GABRB1: variants seen among roughly 807,000 people sequenced by gnomAD.
GABRB1 encodes the protein gamma-aminobutyric acid type A receptor subunit beta1, also known as gamma-aminobutyric acid receptor subunit beta-1.
A neutral mutation model predicts 51.6 loss-of-function variants in GABRB1; 17 were observed. The ratio of observed to expected loss-of-function variants is 0.33; its 90% confidence interval spans 0.23 to 0.49. GABRB1 has a LOEUF of 0.49. Among genes scored for constraint, GABRB1 ranks in the 20% least tolerant of loss-of-function variants. GABRB1 has a pLI of 0.99. For synonymous variants in GABRB1, 247 were observed against 218.9 expected (o/e 1.13, Z -1.14); for missense variants, 410 against 600.6 (o/e 0.68, Z 3.32).
intron 5 of GABRB1, among the ~76,000 whole-genome samples, chr4:47,385,672 A>G (rs939820847): frequency 6.6e-6 from 1 of 152,182 alleles, no homozygotes; most frequent in Non-Finnish European, 1.5e-5. Flanking sequence ...CTAACACTCA[A>G]GAGTTAGACT....
intron 3 of GABRB1, among the ~76,000 whole-genome samples, chr4:47,146,985 T>C (rs540385932): frequency 2.6e-4 from 39 of 152,184 alleles, no homozygotes; most frequent in African/African-American, 8.9e-4. Flanking sequence ...GGGCAGTTTC[T>C]TTTTCTGGGC....
intron 3 of GABRB1, among the ~76,000 whole-genome samples, chr4:47,075,189 A>ATT (rs930532587): frequency 4.0e-5 from 6 of 149,016 alleles, no homozygotes; most frequent in African/African-American, 1.2e-4. Context: ...GCATTGTGTG[A>ATT]TTTTTTTTTT....
intron 1 of GABRB1, among the ~76,000 whole-genome samples, chr4:47,019,098 C>T (rs1352913800): frequency 6.6e-6 from 1 of 152,120 alleles, no homozygotes; most frequent in Non-Finnish European, 1.5e-5. Context: ...AAACTCAAGA[C>T]CTCAAAATCC....
At chr4:47,219,458 T>C (rs1035015887) in intron 4 of GABRB1, among the ~76,000 whole-genome samples, 1 of 151,894 alleles carries the variant, frequency 6.6e-6, no homozygotes, top group Non-Finnish European at 1.5e-5. Context: ...TGTATTCTTC[T>C]AACCTGCTTC....
intron 4 of GABRB1, among the ~76,000 whole-genome samples, chr4:47,174,999 C>A (rs1718611153): frequency 1.5e-5 from 2 of 135,266 alleles, no homozygotes; most frequent in African/African-American, 5.6e-5. Flanking sequence ...TTCCTCCCTT[C>A]CTTCCTCTCT....
intron 4 of GABRB1, among the ~76,000 whole-genome samples, chr4:47,209,851 T>A (rs1477925731): frequency 2.0e-5 from 3 of 152,116 alleles, no homozygotes; most frequent in African/African-American, 7.2e-5. Flanking sequence ...AGTGGGTCAG[T>A]CTGCCTGTGT....
chr4:47,333,884 A>G (rs1725594586), intron 5 of GABRB1, among the ~76,000 whole-genome samples: 1 of 152,214 alleles, frequency 6.6e-6, no homozygotes, highest in South Asian at 2.1e-4. Context: ...AAAAAGGTAG[A>G]TTTCTCAGAA....
chr4:47,008,852 CCTTTT>C (rs1423801257), intron 1 of GABRB1, among the ~76,000 whole-genome samples: 629 of 56,434 alleles, frequency 0.011, 190 homozygotes, highest in African/African-American at 0.042. Flanking sequence ...TCAGATACTA[CCTTTT>C]TTTTTTTTTT....
intron 3 of GABRB1, among the ~76,000 whole-genome samples, chr4:47,139,894 C>G (rs1260181324): frequency 6.6e-6 from 1 of 151,884 alleles, no homozygotes; most frequent in African/African-American, 2.4e-5. Flanking sequence ...AAATGTTCTA[C>G]AGCATTTCAC....
At chr4:47,408,941 C>A (rs749573000) in intron 8 of GABRB1, among the ~76,000 whole-genome samples, 1 of 152,108 alleles carries the variant, frequency 6.6e-6, no homozygotes, top group Non-Finnish European at 1.5e-5. Flanking sequence ...AAGATAAGTA[C>A]AATTTAGGAA....
At chr4:47,262,681 T>A (rs562093712) in intron 4 of GABRB1, among the ~76,000 whole-genome samples, 18 of 152,178 alleles carry the variant, frequency 1.2e-4, no homozygotes, top group South Asian at 2.1e-4. Flanking sequence ...TGACACAGCC[T>A]TCCCATTACT....
intron 4 of GABRB1, among the ~76,000 whole-genome samples, chr4:47,213,250 T>C (rs144738512): frequency 8.8e-4 from 134 of 152,252 alleles, no homozygotes; most frequent in African/African-American, 3.2e-3. Flanking sequence ...TTTATTTAGC[T>C]CTAGGAAGCC....
chr4:47,080,953 A>G (rs1011690385), intron 3 of GABRB1, among the ~76,000 whole-genome samples: 2 of 152,114 alleles, frequency 1.3e-5, no homozygotes, highest in African/African-American at 4.8e-5. Flanking sequence ...TGTGAAAACT[A>G]CTCAATATGC....
At chr4:47,344,692 T>TTTTTG (rs1436663933) in intron 5 of GABRB1, among the ~76,000 whole-genome samples, 3 of 152,004 alleles carry the variant, frequency 2.0e-5, no homozygotes, top group East Asian at 1.9e-4. Flanking sequence ...CTGGCACATT[T>TTTTTG]TTTTGTTTTG....
intron 7 of GABRB1, 132 bp from the exon 8 acceptor site, chr4:47,406,550 A>G (rs554086425): frequency 4.6e-5 from 50 of 1,086,640 alleles, no homozygotes; most frequent in South Asian, 1.1e-4. Context: ...TTTTTGCCCA[A>G]TGGTTTATCA....
At chr4:47,344,155 T>C (rs147703319) in intron 5 of GABRB1, among the ~76,000 whole-genome samples, 1 of 152,210 alleles carries the variant, frequency 6.6e-6, no homozygotes, top group African/African-American at 2.4e-5. Context: ...TGTCTTCTAA[T>C]TCTGGATATG....
At chr4:47,131,547 A>G (rs1330712183) in intron 3 of GABRB1, among the ~76,000 whole-genome samples, 2 of 152,172 alleles carry the variant, frequency 1.3e-5, no homozygotes, top group Admixed American at 1.3e-4. Flanking sequence ...TGTTTAAAAT[A>G]ATGGCCAAAA....
At chr4:47,037,690 A>G (rs1725650405) in intron 3 of GABRB1, among the ~76,000 whole-genome samples, 1 of 152,090 alleles carries the variant, frequency 6.6e-6, no homozygotes, top group Non-Finnish European at 1.5e-5. Context: ...AATACAATGA[A>G]AATAAATAGT....
In GABRB1 at chr4:47,363,019, C is replaced by CGTGT. The variant is rs72429068; in HGVS notation, c.545-40278_545-40275dup. Among the ~76,000 whole-genome samples, 430 of 119,018 alleles carry CGTGT rather than the reference C, an allele frequency of 3.6e-3. 4 individuals are homozygous for CGTGT. The highest frequency in any genetic ancestry group is 0.012 in the African/African-American group (382 of 32,288). The allele number at this position is 119,018 out of a possible 152,430, so 78.1% of individuals were successfully genotyped here. ...TGATAAATGAGAATGAGTGTCTAAG[C>CGTGT]GTGTGTGTGTGTGTGTGTGTGTGTT... On this transcript the variant is annotated intron_variant, in intron 5 of 8. Transcript: ENST00000295454.
Sources: gnomAD v4.1 joint callset for allele counts (sites outside exome capture counted in the v4.1 genomes callset) on GRCh38, gnomAD v4.1.1 for gene constraint, MANE v1.5 for transcripts, NCBI Gene and HGNC (gene_info 2026-07-23, HGNC 2026-07-21) for gene names.